The following RAET1G variants were observed in gnomAD, a reference collection of about 807,000 sequenced individuals.
RAET1G encodes the protein retinoic acid early transcript 1G.
In RAET1G, 25 loss-of-function variants were observed where a neutral mutation model predicts 29.5. That is an observed-to-expected ratio of 0.85 (90% CI 0.62 to 1.18). The LOEUF is 1.18. Among genes scored for constraint, RAET1G ranks in the 50% most tolerant of loss-of-function variants. RAET1G has a pLI of 0.00. For synonymous variants in RAET1G, 167 were observed against 159.5 expected (o/e 1.05, Z -0.36); for missense variants, 434 against 423.6 (o/e 1.02, Z -0.22).
In RAET1G at chr6:149,918,773, T is replaced by C. The variant is rs184982133; in HGVS notation, c.631+270A>G. 3 of 604,906 alleles carry C rather than the reference T, an allele frequency of 5.0e-6. No homozygotes were observed. In the East Asian group the frequency reaches 8.3e-5, roughly 17 times the overall value. 37.5% of individuals were successfully genotyped at this position (604,906 alleles called of 1,614,324 possible). On this transcript the variant is annotated intron_variant, in intron 3 of 4. Transcript: ENST00000367360. Reference sequence around the variant, plus strand: ...AACACTAAGGAGAAAGGCCTGAAAATAGTGACACCTGCAGTTTCGAGGCTG... The same window carrying C: ...AACACTAAGGAGAAAGGCCTGAAAACAGTGACACCTGCAGTTTCGAGGCTG...
rs1458953040 is a variant in RAET1G at position 149,918,331 on chromosome 6, G to A, written c.685C>T (p.Leu229Phe). Reference protein sequence around the residue: ...TAQPRATATTLILCCLLIMCL... With the variant: ...TAQPRATATTFILCCLLIMCL... Reference sequence around the variant, plus strand: ...ATGATGAGGAGGCAGCAAAGGATGAGGGTGGTGGCCGTGGCCCTGGGTTGG... The same window carrying A: ...ATGATGAGGAGGCAGCAAAGGATGAAGGTGGTGGCCGTGGCCCTGGGTTGG... Residue 229 changes from leucine to phenylalanine, a missense_variant, in exon 4 of 5, where the codon CTC (leucine) becomes TTC (phenylalanine). Coordinates refer to ENST00000367360, the MANE Select transcript of RAET1G (RefSeq NM_001001788.4). 6.2e-7 allele frequency: 1 copy of A among 1,614,156 alleles called. No homozygotes were observed. The highest frequency in any genetic ancestry group is 8.5e-7 in the Non-Finnish European group (1 of 1,179,994).
Position 149,919,576 on chromosome 6 carries a change from T to G in RAET1G, c.326A>C (p.Gln109Pro). The G allele has an allele frequency of 6.2e-7, 1 of 1,614,032 alleles. No individual in the cohort carries two copies. The highest frequency in any genetic ancestry group is 1.1e-5 in the South Asian group (1 of 91,070). Residue 109 changes from glutamine (Q) to proline (P), a missense_variant, in exon 2 of 5, where the codon CAG becomes CCG. By Grantham distance (76) the Gln-to-Pro change is moderately conservative. Coordinates refer to ENST00000367360, the MANE Select transcript of RAET1G (RefSeq NM_001001788.4). Reference protein sequence around the residue: ...DILTEQLLDIQLENYIPKEPL... With the variant: ...DILTEQLLDIPLENYIPKEPL... ...ACCCTTGGGTATGTAATTCTCCAGC[T>G]GAATGTCAAGCAGTTGCTCTGTAAG...
intron 3 of RAET1G, 123 bp downstream of exon 3, chr6:149,918,920 C>A: frequency 6.6e-7 from 1 of 1,507,632 alleles, no homozygotes; most frequent in South Asian, 1.3e-5. Context: ...GAGCACCCCA[C>A]GAGGAGGTCA....
chr6:149,917,121 G>A, intron 4 of RAET1G, 47 bp from the exon 5 acceptor site: 1 of 1,488,126 alleles, frequency 6.7e-7, no homozygotes, highest in Non-Finnish European at 9.0e-7. Context: ...TTTCTTCTAT[G>A]TATTTCTCGG....
rs372589758 is a variant in RAET1G at position 149,918,402 on chromosome 6, G to A, written c.632-18C>T. The A allele has an allele frequency of 4.3e-6, 7 of 1,612,234 alleles. No homozygotes were observed. Among genetic ancestry groups the A allele is most frequent in the Admixed American group, 3.3e-5 (2 of 60,012 alleles). ...GGGTGGTGCTGAAATGGAAGCACAAGAGTGACAACCCTTGTCCAGGCCCCA... is the reference window on the plus strand; with the variant it reads ...GGGTGGTGCTGAAATGGAAGCACAAAAGTGACAACCCTTGTCCAGGCCCCA... On this transcript the variant is annotated intron_variant, in intron 3 of 4. Transcript: ENST00000367360.
chr6:149,918,042 G>A, intron 4 of RAET1G, 132 bp downstream of exon 4: 2 of 795,606 alleles, frequency 2.5e-6, no homozygotes, highest in Non-Finnish European at 4.1e-6. Context: ...GCAACACAAG[G>A]TCTCATTCAC....
Position 149,923,064 on chromosome 6 carries a change from C to T in RAET1G, c.-54G>A, listed in dbSNP as rs1778633356. 7.3e-7 allele frequency: 1 copy of T among 1,362,210 alleles called. No individual in the cohort carries two copies. The highest frequency in any genetic ancestry group is 2.1e-5 in the Admixed American group (1 of 47,008). The allele number at this position is 1,362,210 out of a possible 1,614,324, so 84.4% of individuals were successfully genotyped here. On this transcript the variant is annotated 5_prime_UTR_variant, in exon 1 of 5. Transcript: ENST00000367360. Reference sequence around the variant, plus strand: ...AAGCGAAGCCCAGCCCGTGGATCACCTGGCGGCTCGCAGGCTGTCTGAATG... The same window carrying T: ...AAGCGAAGCCCAGCCCGTGGATCACTTGGCGGCTCGCAGGCTGTCTGAATG...
chr6:149,917,965 C>A (rs2114644500), intron 4 of RAET1G, among the ~76,000 whole-genome samples: 1 of 152,338 alleles, frequency 6.6e-6, no homozygotes, highest in African/African-American at 2.4e-5. Context: ...TGCGCCTTTC[C>A]CTCTGGCCTT....
chr6:149,917,195 G>A (rs1778463712), intron 4 of RAET1G, 121 bp from the exon 5 acceptor site: 5 of 1,328,620 alleles, frequency 3.8e-6, no homozygotes, highest in Non-Finnish European at 4.9e-6. Flanking sequence ...GTACAGGGCG[G>A]AACATGAAAG....
intron 3 of RAET1G, 164 bp downstream of exon 3, chr6:149,918,879 G>A: frequency 9.4e-7 from 1 of 1,062,940 alleles, no homozygotes; most frequent in Non-Finnish European, 1.3e-6. Flanking sequence ...AGGAGGGTGG[G>A]AGAGCACAGG....
intron 1 of RAET1G, among the ~76,000 whole-genome samples, chr6:149,920,325 TG>T (rs1778570691): frequency 6.6e-6 from 1 of 152,152 alleles, no homozygotes; most frequent in South Asian, 2.1e-4. Flanking sequence ...TCATCTACTA[TG>T]AGGATGCCTT....
chr6:149,923,062 A>G lies in RAET1G; in HGVS notation c.-52T>C. ...AGAAGCGAAGCCCAGCCCGTGGATCACCTGGCGGCTCGCAGGCTGTCTGAA... is the reference window on the plus strand; with the variant it reads ...AGAAGCGAAGCCCAGCCCGTGGATCGCCTGGCGGCTCGCAGGCTGTCTGAA... On this transcript the variant is annotated 5_prime_UTR_variant, in exon 1 of 5. Transcript: ENST00000367360. 7.3e-7 allele frequency: 1 copy of G among 1,371,704 alleles called. No individual in the cohort carries two copies. 85.0% of individuals were successfully genotyped at this position (1,371,704 alleles called of 1,614,324 possible).
At chr6:149,922,240 A>C (rs559554592) in intron 1 of RAET1G, among the ~76,000 whole-genome samples, 1 of 152,252 alleles carries the variant, frequency 6.6e-6, no homozygotes, top group East Asian at 1.9e-4. Flanking sequence ...GTGTGTCCTC[A>C]GGCAAGAGGC....
At position 149,923,100 on chromosome 6, in the gene RAET1G, GAATGCAGCCCTA is replaced by G. The variant is rs1367637677; in HGVS notation, c.-102_-91del. ...CAGGCTGTCTGAATGCAGCCCGTCT[GAATGCAGCCCTA>G]AACTCCAGTAAGCCCTAAACTCTAG... On this transcript the variant is annotated 5_prime_UTR_variant, in exon 1 of 5. Coordinates refer to ENST00000367360, the MANE Select transcript of RAET1G (RefSeq NM_001001788.4). 7 of 839,302 alleles carry G rather than the reference GAATGCAGCCCTA, an allele frequency of 8.3e-6. No homozygotes were observed. Among genetic ancestry groups the G allele is most frequent in the African/African-American group, 2.4e-5 (1 of 42,474 alleles). 52.0% of individuals were successfully genotyped at this position (839,302 alleles called of 1,614,324 possible). A position where few individuals can be genotyped will look rare whatever the true frequency, so the allele number is the denominator to read the frequency against.
chr6:149,918,585 G>A (rs1004090931), intron 3 of RAET1G: 5 of 666,394 alleles, frequency 7.5e-6, no homozygotes, highest in African/African-American at 7.3e-5. Flanking sequence ...GAGCTGCTGA[G>A]GGAAGCAAGG....
At position 149,918,221 on chromosome 6, in the gene RAET1G, G is replaced by A. The variant is rs1453175119; in HGVS notation, c.795C>T (p.Pro265=). Residue 265 remains proline, a synonymous_variant, in exon 4 of 5, where the codon CCC becomes CCT. Transcript: ENST00000367360. The stretch of plus-strand genomic sequence containing the variant: ...TCAGCAGCCAGGTAGGATGAAGCAG[G>A]GGAGGATGAGGAGGAGGCTGCAGGG... ...PQSLQPPPHP[P]LLHPTWLLRR... 1.2e-6 allele frequency: 2 copies of A among 1,614,196 alleles called. No homozygotes were observed. The highest frequency in any genetic ancestry group is 1.3e-5 in the African/African-American group (1 of 75,056).
At chr6:149,918,766 C>G (rs1778516334) in intron 3 of RAET1G, 1 of 605,194 alleles carries the variant, frequency 1.7e-6, no homozygotes, top group African/African-American at 1.9e-5. Flanking sequence ...GGAGAAAGGC[C>G]TGAAAATAGT....
chr6:149,917,217 C>T (rs1257979600), intron 4 of RAET1G, 143 bp from the exon 5 acceptor site: 21 of 1,236,898 alleles, frequency 1.7e-5, no homozygotes, highest in South Asian at 2.3e-5. Context: ...GGACCAGGAG[C>T]GTGACCCTGA....
chr6:149,919,119 G>A lies in RAET1G; in HGVS notation c.555C>T (p.Ile185=), dbSNP rs1264073576. 6.2e-7 allele frequency: 1 copy of A among 1,614,172 alleles called. No individual in the cohort carries two copies. The highest frequency in any genetic ancestry group is 8.5e-7 in the Non-Finnish European group (1 of 1,180,036). The change falls in exon 3 of 5, where the codon ATC becomes ATT. Residue 185 remains isoleucine (I), a synonymous_variant. Coordinates refer to ENST00000367360, the MANE Select transcript of RAET1G (RefSeq NM_001001788.4). The part of the protein sequence containing the change: ...DKDMTMSFHY[I]SMGDCTGWLE... ...GCCATCCTGTGCAGTCTCCCATTGA[G>A]ATGTAATGGAAGGACATGGTCATAT... is the stretch of plus-strand genomic sequence containing the variant.
Sources: gnomAD v4.1 joint callset for allele counts (sites outside exome capture counted in the v4.1 genomes callset) on GRCh38, gnomAD v4.1.1 for gene constraint, MANE v1.5 for transcripts, NCBI Gene and HGNC (gene_info 2026-07-23, HGNC 2026-07-21) for gene names.